Variants in CPSF2 observed in about 807,000 individuals in gnomAD.
CPSF2 encodes cleavage and polyadenylation specificity factor subunit 2.
In CPSF2, 51 loss-of-function variants were observed where a neutral mutation model predicts 84.2. That is an observed-to-expected ratio of 0.61 (90% confidence interval 0.48 to 0.77). CPSF2 has a LOEUF of 0.77. Ranked by LOEUF, CPSF2 falls within the 30% of genes least tolerant of loss-of-function variation. The probability of loss-of-function intolerance (pLI) is 0.00; values close to 1 mark genes in which losing one functional copy is unlikely to be tolerated. For missense variants in CPSF2, 641 were observed against 929.4 expected (o/e 0.69, Z 4.03); for synonymous variants, 286 against 311.9 (o/e 0.92, Z 0.87).
intron 6 of CPSF2, among the ~76,000 whole-genome samples, chr14:92,137,591 T>C (rs2069016778): frequency 6.6e-6 from 1 of 152,216 alleles, no homozygotes; most frequent in Admixed American, 6.5e-5. Context: ...CTGGATGAGG[T>C]TAAATCTTGC....
intron 1 of CPSF2, 42 bp from the exon 2 acceptor site, chr14:92,126,080 A>T (rs2141448441): frequency 6.6e-6 from 1 of 152,372 alleles, no homozygotes; most frequent in South Asian, 2.1e-4. Flanking sequence ...AACAGAATGA[A>T]ATCATAATAC....
chr14:92,144,934 A>G (rs2069124195), intron 9 of CPSF2, among the ~76,000 whole-genome samples: 1 of 152,138 alleles, frequency 6.6e-6, no homozygotes, highest in Non-Finnish European at 1.5e-5. Context: ...TCCACCACTA[A>G]ATGTACTAAC....
At chr14:92,148,082 AT>A (rs1359032772) in intron 9 of CPSF2, among the ~76,000 whole-genome samples, 32 of 152,130 alleles carry the variant, frequency 2.1e-4, no homozygotes, top group African/African-American at 7.2e-4. Context: ...TTTTGGTTTA[AT>A]TTTTTTGTTT....
Position 92,167,472 on chromosome 14 carries a change from C to CTAAAAT in CPSF2, c.*5728_*5729insTAAAAT, listed in dbSNP as rs2069463903. 2 of 152,052 alleles carry CTAAAAT rather than the reference C, an allele frequency of 1.3e-5. No homozygotes were observed. The highest frequency in any genetic ancestry group is 4.8e-5 in the African/African-American group (2 of 41,394). The allele number at this position is 152,052 out of a possible 1,614,324, so 9.4% of individuals were successfully genotyped here. ...ACTTATTTTAGTATTGAATGAATGA[C>CTAAAAT]CCTGTACAAGGAAAGGGATTTGCTT... On this transcript the variant is annotated 3_prime_UTR_variant, in exon 16 of 16. Coordinates refer to ENST00000298875, the MANE Select transcript of CPSF2 (RefSeq NM_017437.3).
At chr14:92,125,871 G>A (rs184483093) in intron 1 of CPSF2, among the ~76,000 whole-genome samples, 3 of 151,764 alleles carry the variant, frequency 2.0e-5, no homozygotes, top group Admixed American at 2.0e-4. Flanking sequence ...CCTCTTCTAT[G>A]ATTCTCAATA....
chr14:92,146,807 C>G (rs2069150132), intron 9 of CPSF2, among the ~76,000 whole-genome samples: 1 of 152,102 alleles, frequency 6.6e-6, no homozygotes, highest in African/African-American at 2.4e-5. Context: ...TGATCTAATC[C>G]CCACCTACCT....
At chr14:92,150,661 C>A (rs2141474288) in intron 9 of CPSF2, among the ~76,000 whole-genome samples, 1 of 152,218 alleles carries the variant, frequency 6.6e-6, no homozygotes, top group Admixed American at 6.5e-5. Context: ...TGGCCTCAAG[C>A]AATCCTCTCA....
At chr14:92,152,889 TAA>T (rs2069239618) in intron 9 of CPSF2, among the ~76,000 whole-genome samples, 1 of 152,146 alleles carries the variant, frequency 6.6e-6, no homozygotes, top group Non-Finnish European at 1.5e-5. Context: ...AGTCCTGAGA[TAA>T]ATATATGAGA....
At chr14:92,135,319 C>A (rs747345976) in intron 5 of CPSF2, 48 bp from the exon 6 acceptor site, 1 of 1,526,632 alleles carries the variant, frequency 6.6e-7, no homozygotes, top group Non-Finnish European at 8.9e-7. Context: ...AATAACCTTT[C>A]TTTAGGGTTG....
intron 1 of CPSF2, 82 bp downstream of exon 1, chr14:92,122,210 C>G (rs1044169276): frequency 6.2e-6 from 2 of 320,328 alleles, no homozygotes; most frequent in East Asian, 8.8e-5. Context: ...GGGGCCCCGA[C>G]TCCGACCCGG....
chr14:92,152,407 G>A (rs2069232284), intron 9 of CPSF2, among the ~76,000 whole-genome samples: 1 of 151,950 alleles, frequency 6.6e-6, no homozygotes, highest in Admixed American at 6.6e-5. Flanking sequence ...GGGATTACAG[G>A]TGTGAGCCGT....
intron 3 of CPSF2, among the ~76,000 whole-genome samples, chr14:92,131,404 A>G (rs553148082): frequency 3.3e-5 from 5 of 152,244 alleles, no homozygotes; most frequent in South Asian, 2.1e-4. Context: ...ACAAGAATAC[A>G]TAAGAATTTG....
chr14:92,122,975 G>A (rs186946189), intron 1 of CPSF2, among the ~76,000 whole-genome samples: 1 of 151,416 alleles, frequency 6.6e-6, no homozygotes, highest in African/African-American at 2.4e-5. Flanking sequence ...GAGCCACCAT[G>A]CCCGGCCTTG....
chr14:92,140,170 T>C (rs1206098099), intron 7 of CPSF2, among the ~76,000 whole-genome samples: 2 of 151,804 alleles, frequency 1.3e-5, no homozygotes, highest in African/African-American at 4.8e-5. Flanking sequence ...GCCAGGATGG[T>C]CTTGATCTCT....
At chr14:92,140,353 A>G (rs1476628914) in intron 7 of CPSF2, among the ~76,000 whole-genome samples, 1 of 151,576 alleles carries the variant, frequency 6.6e-6, no homozygotes, top group African/African-American at 2.4e-5. Context: ...AATGGTCAAC[A>G]CTTTGGGAGG....
rs1224505754 is a variant in CPSF2 at position 92,165,574 on chromosome 14, G to A, written c.*3830G>A. 1 of 151,878 alleles carries A rather than the reference G, an allele frequency of 6.6e-6. No homozygotes were observed. Among genetic ancestry groups the A allele is most frequent in the African/African-American group, 2.4e-5 (1 of 41,346 alleles). 9.4% of individuals were successfully genotyped at this position (151,878 alleles called of 1,614,324 possible). On this transcript the variant is annotated 3_prime_UTR_variant, in exon 16 of 16. Coordinates refer to ENST00000298875, the MANE Select transcript of CPSF2 (RefSeq NM_017437.3). ...TGTTTATTGACTTTTTATATATTTT[G>A]GAGTAATATCTGTTCATATCCTTTG...
rs150475687 is a variant in CPSF2 at position 92,154,507 on chromosome 14, G to A, written c.1241+49G>A. The A allele has an allele frequency of 2.1e-4, 268 of 1,273,964 alleles. No individual in the cohort carries two copies. In the Middle Eastern group the frequency reaches 2.3e-3, roughly 11 times the overall value. The allele number at this position is 1,273,964 out of a possible 1,614,324, so 78.9% of individuals were successfully genotyped here. A position where few individuals can be genotyped will look rare whatever the true frequency, so the allele number is the denominator to read the frequency against. On this transcript the variant is annotated intron_variant, in intron 10 of 15. Coordinates refer to ENST00000298875, the MANE Select transcript of CPSF2 (RefSeq NM_017437.3). ...TAAATTTATGGATGCAATTTGAGAA[G>A]AATGTGTCCTTGACTTAAATGTTTC...
At chr14:92,138,628 C>T (rs1489739543) in intron 7 of CPSF2, among the ~76,000 whole-genome samples, 1 of 152,018 alleles carries the variant, frequency 6.6e-6, no homozygotes, top group African/African-American at 2.4e-5. Flanking sequence ...CAGGGTTTCT[C>T]CATGTTGGCC....
intron 9 of CPSF2, among the ~76,000 whole-genome samples, chr14:92,147,500 G>A (rs1359079223): frequency 6.6e-6 from 1 of 152,006 alleles, no homozygotes; most frequent in Non-Finnish European, 1.5e-5. Context: ...TATTTTAAAT[G>A]AAAAATAAGA....
Sources: gnomAD v4.1 joint callset for allele counts (sites outside exome capture counted in the v4.1 genomes callset) on GRCh38, gnomAD v4.1.1 for gene constraint, MANE v1.5 for transcripts, NCBI Gene and HGNC (gene_info 2026-07-23, HGNC 2026-07-21) for gene names.